TACC2: variants seen among roughly 807,000 people sequenced by gnomAD.
The protein encoded by TACC2 is transforming acidic coiled-coil-containing protein 2.
Under a neutral mutation model 227.3 loss-of-function variants are expected in TACC2, and 137 were observed. The ratio of observed to expected loss-of-function variants is 0.60; its 90% CI spans 0.52 to 0.69. The LOEUF is 0.69. Ranked by LOEUF, TACC2 falls within the 30% of genes least tolerant of loss-of-function variation. TACC2 has a pLI of 0.00. For synonymous variants in TACC2, 1,523 were observed against 1,487.5 expected (o/e 1.02, Z -0.55); for missense variants, 3,470 against 3,694.4 (o/e 0.94, Z 1.57).
At chr10:122,081,569 A>G (rs1387117667) in intron 3 of TACC2, among the ~76,000 whole-genome samples, 3 of 151,918 alleles carry the variant, frequency 2.0e-5, no homozygotes. Context: ...ACTGTGTAGA[A>G]TTGAGCAACA....
chr10:122,038,069 G>A (rs1960971171), intron 2 of TACC2, among the ~76,000 whole-genome samples: 1 of 152,156 alleles, frequency 6.6e-6, no homozygotes, highest in Admixed American at 6.5e-5. Flanking sequence ...ACTAGCCAGT[G>A]CAACATGGCG....
chr10:122,137,204 G>A (rs552062764), intron 6 of TACC2, among the ~76,000 whole-genome samples: 1 of 152,082 alleles, frequency 6.6e-6, no homozygotes, highest in South Asian at 2.1e-4. Flanking sequence ...GAGAAAGCTG[G>A]GCCCAGATCT....
At chr10:122,110,282 C>G (rs969277992) in intron 5 of TACC2, among the ~76,000 whole-genome samples, 2 of 152,188 alleles carry the variant, frequency 1.3e-5, no homozygotes, top group African/African-American at 4.8e-5. Flanking sequence ...ACCGCACAAG[C>G]CTGCATCTTT....
At chr10:122,227,090 C>G (rs1019384729) in intron 13 of TACC2, among the ~76,000 whole-genome samples, 1 of 152,162 alleles carries the variant, frequency 6.6e-6, no homozygotes, top group Non-Finnish European at 1.5e-5. Context: ...TCTTCCAGAG[C>G]GTCCCCGAGC....
intron 16 of TACC2, among the ~76,000 whole-genome samples, chr10:122,235,737 C>G (rs931007072): frequency 1.1e-4 from 16 of 152,296 alleles, no homozygotes; most frequent in Admixed American, 9.8e-4. Flanking sequence ...GCCCTTGCTT[C>G]TGGGAGGTCA....
intron 5 of TACC2, among the ~76,000 whole-genome samples, chr10:122,097,332 T>C (rs1192261305): frequency 6.6e-6 from 1 of 151,572 alleles, no homozygotes; most frequent in African/African-American, 2.4e-5. Context: ...TGAGGTACTG[T>C]CTCAAAGAAA....
In TACC2 at chr10:122,083,152, G is replaced by A; in HGVS notation, c.652G>A (p.Asp218Asn). Residue 218 changes from aspartate to asparagine, a missense_variant, in exon 4 of 23, where the codon GAC (aspartate) becomes AAC (asparagine). Physicochemically the swap from Asp to Asn is conservative, Grantham distance 23. This residue lies in a region of TACC2 where 405 missense variants were observed against 389.6 expected (regional missense o/e 1.04). Transcript: ENST00000369005. ...PMKAPLCGEG[D>N]QPGGFESQEK... ...GAAGGCACCGCTGTGTGGAGAGGGG[G>A]ACCAGCCTGGTGGTTTTGAGTCCCA... 1 of 1,613,164 alleles carries A rather than the reference G, an allele frequency of 6.2e-7. No individual in the cohort carries two copies. The highest frequency in any genetic ancestry group is 8.5e-7 in the Non-Finnish European group (1 of 1,180,004).
At chr10:122,189,706 G>A (rs967125871) in intron 7 of TACC2, among the ~76,000 whole-genome samples, 1 of 152,210 alleles carries the variant, frequency 6.6e-6, no homozygotes, top group African/African-American at 2.4e-5. Context: ...GCTCAAGAAG[G>A]AATTGTTTCT....
In TACC2 at chr10:122,085,437, C is replaced by T. The variant is rs145748763; in HGVS notation, c.2937C>T (p.Ser979=). 6,391 of 1,613,864 alleles carry T rather than the reference C, an allele frequency of 4.0e-3. 46 individuals carry two copies. Among genetic ancestry groups the T allele is most frequent in the Non-Finnish European group, 3.4e-3 (4,067 of 1,180,046 alleles). ...LKDFSLAGNF[S]RKETCCTGQG... Reference sequence around the variant, plus strand: ...ACTTTTCTCTTGCAGGGAACTTCAGCAGAAAGGAAACTTGCTGCACTGGGC... The same window carrying T: ...ACTTTTCTCTTGCAGGGAACTTCAGTAGAAAGGAAACTTGCTGCACTGGGC... The change falls in exon 4 of 23, where the codon AGC becomes AGT. Residue 979 remains serine (S), a synonymous_variant. Coordinates refer to ENST00000369005, the MANE Select transcript of TACC2 (RefSeq NM_206862.4).
At chr10:122,030,412 C>G (rs1428249786) in intron 2 of TACC2, among the ~76,000 whole-genome samples, 1 of 152,142 alleles carries the variant, frequency 6.6e-6, no homozygotes, top group Non-Finnish European at 1.5e-5. Flanking sequence ...CCTTCCAGAA[C>G]AGTGATGTCG....
At chr10:122,067,646 A>T (rs2077533310) in intron 3 of TACC2, among the ~76,000 whole-genome samples, 1 of 151,990 alleles carries the variant, frequency 6.6e-6, no homozygotes, top group South Asian at 2.1e-4. Flanking sequence ...AGCTGGAATT[A>T]TAGGCGTATG....
chr10:122,199,321 A>G (rs993476503), intron 8 of TACC2, among the ~76,000 whole-genome samples: 13 of 152,360 alleles, frequency 8.5e-5, no homozygotes, highest in African/African-American at 3.1e-4. Flanking sequence ...CTGTCCTCAC[A>G]TTGACTTGGA....
rs774233662 is a variant in TACC2 at position 122,087,706 on chromosome 10, G to A, written c.5206G>A (p.Val1736Met). 2.4e-5 allele frequency: 39 copies of A among 1,612,788 alleles called. 1 individual carries two copies. Among genetic ancestry groups the A allele is most frequent in the Admixed American group, 2.3e-4 (14 of 59,982 alleles). ...AGGTACTACGAGGACATTCTCCGTT[G>A]TGGCAGGTGACTTGGTGCTGCCAGG... ...EAGTTRTFSV[V>M]AGDLVLPGSC... The change falls in exon 4 of 23, where the codon GTG (valine) becomes ATG (methionine). Residue 1736 changes from valine to methionine, a missense_variant. By Grantham distance (21) the Val-to-Met change is conservative. This residue lies in a region of TACC2 where 1,924 missense variants were observed against 1,978.3 expected (regional missense o/e 0.97). Coordinates refer to ENST00000369005, the MANE Select transcript of TACC2 (RefSeq NM_206862.4).
intron 7 of TACC2, chr10:122,163,749 G>T: frequency 8.4e-7 from 1 of 1,194,182 alleles, no homozygotes; most frequent in Admixed American, 4.5e-5. Flanking sequence ...CCCGGCTCGG[G>T]CCGCGAGTCG....
In TACC2 at chr10:122,118,302, A is replaced by G. The variant is rs151114778; in HGVS notation, c.5574-14307A>G. Among the ~76,000 whole-genome samples, 1,360 of 152,174 alleles carry G rather than the reference A, an allele frequency of 8.9e-3. 22 individuals carry two copies. The highest frequency in any genetic ancestry group is 0.031 in the African/African-American group (1,295 of 41,524). On this transcript the variant is annotated intron_variant, in intron 5 of 22. Coordinates refer to ENST00000369005, the MANE Select transcript of TACC2 (RefSeq NM_206862.4). Reference sequence around the variant, plus strand: ...AGTGCTGGGATTACAGGTGTGAGCCACCGCGCCCAGCCTGGACGTTACCTT... The same window carrying G: ...AGTGCTGGGATTACAGGTGTGAGCCGCCGCGCCCAGCCTGGACGTTACCTT...
chr10:122,107,891 C>CT (rs2083054339), intron 5 of TACC2, among the ~76,000 whole-genome samples: 14 of 46,972 alleles, frequency 3.0e-4, no homozygotes, highest in East Asian at 1.1e-3. Flanking sequence ...TTTTTTTTTT[C>CT]TTTTTTCTTT....
rs759031402 is a variant in TACC2 at position 122,211,139 on chromosome 10, G to T, written c.6714G>T (p.Thr2238=). ...PVGRKTLPLT[T]APEAGEVTPS... Reference sequence around the variant, plus strand: ...GGAGGAAAACGCTGCCTCTTACCACGGCCCCGGAGGCAGGGGAGGTAACCC... The same window carrying T: ...GGAGGAAAACGCTGCCTCTTACCACTGCCCCGGAGGCAGGGGAGGTAACCC... Residue 2238 remains threonine, a synonymous_variant, in exon 9 of 23, where the codon ACG becomes ACT. Transcript: ENST00000369005. 6.2e-7 allele frequency: 1 copy of T among 1,608,508 alleles called. No individual in the cohort carries two copies. The highest frequency in any genetic ancestry group is 2.2e-5 in the East Asian group (1 of 44,794).
intron 19 of TACC2, among the ~76,000 whole-genome samples, chr10:122,245,615 G>A (rs1179337617): frequency 2.0e-5 from 3 of 152,080 alleles, no homozygotes; most frequent in African/African-American, 7.2e-5. Flanking sequence ...AGGAGTGTGG[G>A]TGTGGCAAGC....
intron 1 of TACC2, among the ~76,000 whole-genome samples, chr10:122,014,243 G>A (rs1956284767): frequency 1.2e-5 from 1 of 85,960 alleles, no homozygotes; most frequent in African/African-American, 4.7e-5. Context: ...TTTTTTTTGA[G>A]TTTTGCTCCA....
Sources: gnomAD v4.1 joint callset for allele counts (sites outside exome capture counted in the v4.1 genomes callset) on GRCh38, gnomAD v4.1.1 for gene constraint, gnomAD v4.1.1 regional missense constraint, MANE v1.5 for transcripts, NCBI Gene and HGNC (gene_info 2026-07-23, HGNC 2026-07-21) for gene names.